Variants in SPRY3 observed in about 807,000 individuals in gnomAD.
SPRY3 encodes the protein sprouty RTK signaling antagonist 3, also known as protein sprouty homolog 3.
Under a neutral mutation model 20.2 loss-of-function variants are expected in SPRY3, and 15 were observed. The ratio of observed to expected loss-of-function variants is 0.74; its 90% CI spans 0.50 to 1.14. The LOEUF is 1.14. SPRY3 is among the 50% of genes most tolerant of loss of function. The pLI is 0.00. For missense variants in SPRY3, 364 were observed against 363.9 expected, an observed-to-expected ratio of 1.00 and a Z score of 0.00; for synonymous variants, 143 against 136.5, an observed-to-expected ratio of 1.05 and a Z score of -0.33.
intron 3 of SPRY3, among the ~76,000 whole-genome samples, chrX:155,773,313 T>TAC (rs2091394660): frequency 1.5e-5 from 2 of 137,402 alleles, no homozygotes; most frequent in South Asian, 4.5e-4. Context: ...ATTGGATATA[T>TAC]ATATATATAT....
chrX:155,617,763 A>C, intron 1 of SPRY3, among the ~76,000 whole-genome samples: 1 of 112,232 alleles, frequency 8.9e-6, no homozygotes, highest in South Asian at 3.7e-4. Context: ...TTATCAAAAC[A>C]GTGTGGTATT....
At chrX:155,710,337 T>A (rs2090977993) in intron 2 of SPRY3, among the ~76,000 whole-genome samples, 1 of 151,834 alleles carries the variant, frequency 6.6e-6, no homozygotes, top group Non-Finnish European at 1.5e-5. Context: ...CTTCAATTTC[T>A]TTCATCAGTG....
At chrX:155,628,684 A>G (rs2067895907) in intron 1 of SPRY3, among the ~76,000 whole-genome samples, 1 of 112,153 alleles carries the variant, frequency 8.9e-6, no homozygotes, top group African/African-American at 3.2e-5. Flanking sequence ...AGATGCTGGC[A>G]AGGCTTTTTT....
intron 2 of SPRY3, among the ~76,000 whole-genome samples, chrX:155,737,360 G>A (rs2091176404): frequency 6.6e-6 from 1 of 152,026 alleles, no homozygotes; most frequent in Admixed American, 6.6e-5. Flanking sequence ...GTGAAACAAT[G>A]GTGAGCACAA....
chrX:155,774,702 T>G (rs752902018), exon 4 of SPRY3: 2 of 1,613,574 alleles, frequency 1.2e-6, no homozygotes, highest in African/African-American at 1.3e-5. Flanking sequence ...CTTCTGGTAG[T>G]GCACCCTTCC....
intron 2 of SPRY3, among the ~76,000 whole-genome samples, chrX:155,704,611 AAAT>A (rs1404111934): frequency 6.6e-6 from 1 of 151,708 alleles, no homozygotes; most frequent in Admixed American, 6.6e-5. Context: ...GTATTTTAAA[AAAT>A]AATGACTGAG....
chrX:155,613,697 C>A (rs1001410268), intron 1 of SPRY3, among the ~76,000 whole-genome samples: 1 of 111,762 alleles, frequency 8.9e-6, no homozygotes, highest in African/African-American at 3.3e-5. Context: ...AATGCTCTTA[C>A]CCGGCACTTG....
intron 2 of SPRY3, among the ~76,000 whole-genome samples, chrX:155,687,182 AG>A (rs1302543639): frequency 8.9e-6 from 1 of 112,739 alleles, no homozygotes; most frequent in Non-Finnish European, 1.9e-5. Flanking sequence ...AAGAACTGAA[AG>A]GTTTTCCACA....
chrX:155,777,017 C>T, downstream of SPRY3: 1 of 167,042 alleles, frequency 6.0e-6, no homozygotes, highest in South Asian at 2.1e-4. Context: ...ATTTATAAAC[C>T]CAAACCAATA....
At chrX:155,774,737 G>A (rs2091412128) in exon 4 of SPRY3, 2 of 1,608,122 alleles carry the variant, frequency 1.2e-6, no homozygotes, top group African/African-American at 1.3e-5. Flanking sequence ...AAGTCTGTAT[G>A]ACCTTCCAAC....
At chrX:155,638,322 A>G (rs868961545) in intron 1 of SPRY3, among the ~76,000 whole-genome samples, 1 of 442 alleles carries the variant, frequency 2.3e-3, no homozygotes, top group African/African-American at 3.9e-3. Context: ...ATATATATAT[A>G]TATATATATA....
chrX:155,656,690 AT>A (rs782401442), intron 1 of SPRY3, among the ~76,000 whole-genome samples: 1 of 110,804 alleles, frequency 9.0e-6, no homozygotes, highest in Admixed American at 9.6e-5. Context: ...GGTTTTTGGA[AT>A]TTTCAGCCTT....
At chrX:155,666,260 G>T (rs2068024233) in intron 2 of SPRY3, among the ~76,000 whole-genome samples, 1 of 111,596 alleles carries the variant, frequency 9.0e-6, no homozygotes, top group Non-Finnish European at 1.9e-5. Flanking sequence ...GTATTTTGTT[G>T]TTTTAAAATA....
At chrX:155,703,853 T>G (rs763307157) in intron 2 of SPRY3, among the ~76,000 whole-genome samples, 1 of 152,132 alleles carries the variant, frequency 6.6e-6, no homozygotes, top group Admixed American at 6.6e-5. Flanking sequence ...ATCTCATAAT[T>G]GAACAGATAT....
chrX:155,751,178 A>G (rs2091260469), intron 2 of SPRY3, among the ~76,000 whole-genome samples: 1 of 151,858 alleles, frequency 6.6e-6, no homozygotes, highest in African/African-American at 2.4e-5. Flanking sequence ...GGATGCTGAA[A>G]TTGAGATTGT....
chrX:155,714,629 G>A (rs900737118), intron 2 of SPRY3, among the ~76,000 whole-genome samples: 2 of 151,910 alleles, frequency 1.3e-5, no homozygotes, highest in African/African-American at 4.8e-5. Flanking sequence ...AGCCAGAACA[G>A]CACTGGGCCT....
At chrX:155,774,559 C>T (rs1438741106) in exon 4 of SPRY3, 1 of 1,614,018 alleles carries the variant, frequency 6.2e-7, no homozygotes, top group Non-Finnish European at 8.5e-7. Context: ...CCTCATCTCC[C>T]TCTTCCTACC....
intron 2 of SPRY3, among the ~76,000 whole-genome samples, chrX:155,657,144 C>A (rs1291193722): frequency 8.9e-6 from 1 of 111,973 alleles, no homozygotes; most frequent in Non-Finnish European, 1.9e-5. Flanking sequence ...GGGGAACCCT[C>A]CTTGTCAGGA....
intron 2 of SPRY3, among the ~76,000 whole-genome samples, chrX:155,685,360 C>G (rs912739312): frequency 9.2e-6 from 1 of 108,972 alleles, no homozygotes; most frequent in Non-Finnish European, 1.9e-5. Flanking sequence ...CTCTATTTTT[C>G]CAGTAAGTCC....
Sources: gnomAD v4.1 joint callset for allele counts (sites outside exome capture counted in the v4.1 genomes callset) on GRCh38, gnomAD v4.1.1 for gene constraint, MANE v1.5 for transcripts, NCBI Gene and HGNC (gene_info 2026-07-23, HGNC 2026-07-21) for gene names.